The following TMEM260 variants were observed in gnomAD, a reference collection of about 807,000 sequenced individuals.
The protein encoded by TMEM260 is protein O-mannosyl-transferase TMEM260.
In TMEM260, 82 loss-of-function variants were observed where a neutral mutation model predicts 88.9. The observed-to-expected ratio is 0.92, with a 90% CI of 0.77 to 1.11. The LOEUF is 1.11. TMEM260 is among the 50% of genes least tolerant of loss of function. The pLI is 0.00. For synonymous variants in TMEM260, 314 were observed against 309.3 expected (o/e 1.02, Z -0.16); for missense variants, 902 against 853.4 (o/e 1.06, Z -0.71).
the TMEM260 span, among the ~76,000 whole-genome samples, chr14:56,659,713 G>C: frequency 6.6e-6 from 1 of 152,230 alleles, no homozygotes; most frequent in Non-Finnish European, 1.5e-5. Context: ...ACGGAGAAGA[G>C]GGAGTGGAGG....
chr14:56,612,281 C>G lies in TMEM260; in HGVS notation c.853C>G (p.Leu285Val), dbSNP rs752791202. 1.9e-6 allele frequency: 3 copies of G among 1,612,382 alleles called. No individual in the cohort carries two copies. The African/African-American group carries it at 4.0e-5, about 22-fold the overall frequency. Reference sequence around the variant, plus strand: ...AATAGGATCCAGTATGTCTGAAATACTGCTGTGAGTATGAAATATTTGAAA... The same window carrying G: ...AATAGGATCCAGTATGTCTGAAATAGTGCTGTGAGTATGAAATATTTGAAA... ...SEIGSSMSEILLSQVTNMRTE... is the reference protein window; with the variant it reads ...SEIGSSMSEIVLSQVTNMRTE... The change falls in exon 7 of 16, where the codon CTG becomes GTG. Residue 285 changes from leucine (L) to valine (V), a missense_variant. Coordinates refer to ENST00000261556, the MANE Select transcript of TMEM260 (RefSeq NM_017799.4).
At chr14:56,649,969 G>A, downstream of TMEM260, 1 of 360,350 alleles carries the variant, frequency 2.8e-6, no homozygotes, top group Non-Finnish European at 5.4e-6. Context: ...TAGGGATGTT[G>A]GGCTTCATTC....
intron 3 of TMEM260, among the ~76,000 whole-genome samples, chr14:56,589,711 G>A (rs1885733239): frequency 6.6e-6 from 1 of 152,104 alleles, no homozygotes; most frequent in African/African-American, 2.4e-5. Context: ...TTTTGTGCCA[G>A]TATTTAACTC....
intron 7 of TMEM260, chr14:56,613,518 T>G (rs1465495246): frequency 6.6e-6 from 1 of 152,192 alleles, no homozygotes; most frequent in Non-Finnish European, 1.5e-5. Flanking sequence ...TGACTATATT[T>G]TTCTAATATT....
Position 56,625,508 on chromosome 14 carries a change from C to A in TMEM260, c.1525C>A (p.His509Asn). Residue 509 changes from histidine (H) to asparagine (N), a missense_variant, in exon 12 of 16, where the codon CAT becomes AAT. Coordinates refer to ENST00000261556, the MANE Select transcript of TMEM260 (RefSeq NM_017799.4). ...PSGMVTFNLYHFLEVNKQKET... is the reference protein window; with the variant it reads ...PSGMVTFNLYNFLEVNKQKET... ...TGGAATGGTCACATTTAATCTTTAT[C>A]ATTTTCTTGAAGTAAATAAACAGTA... 1 of 1,599,810 alleles carries A rather than the reference C, an allele frequency of 6.3e-7. No homozygotes were observed. The highest frequency in any genetic ancestry group is 8.5e-7 in the Non-Finnish European group (1 of 1,169,996).
intron 15 of TMEM260, among the ~76,000 whole-genome samples, chr14:56,640,898 C>T (rs766691065): frequency 4.2e-4 from 64 of 152,040 alleles, no homozygotes; most frequent in African/African-American, 6.7e-4. Context: ...AGGGTATCAG[C>T]GATGGACAAT....
rs1255872363 is a variant in TMEM260, at chr14:56,618,641, T to C, written c.1104T>C (p.Ala368=). The C allele has an allele frequency of 1.2e-6, 2 of 1,614,116 alleles. No homozygotes were observed. The highest frequency in any genetic ancestry group is 4.5e-5 in the East Asian group (2 of 44,902). ...GCAATGCAGTAGTGGCCGTCCTCGC[T>C]GGCATTGGTTTGGCTGCAGTTGTGT... The part of the protein sequence containing the change: ...MQSNAVVAVL[A]GIGLAAVVSE... Residue 368 remains alanine (A), a synonymous_variant, in exon 10 of 16, where the codon GCT becomes GCC. Transcript: ENST00000261556.
At chr14:56,612,675 T>G (rs1414218233) in intron 7 of TMEM260, 1 of 161,976 alleles carries the variant, frequency 6.2e-6, no homozygotes, top group African/African-American at 2.4e-5. Flanking sequence ...CTGTATATGT[T>G]TGTACAGACA....
chr14:56,647,742 T>G lies in TMEM260; in HGVS notation c.*245T>G, dbSNP rs758353246. 4.3e-6 allele frequency: 2 copies of G among 466,348 alleles called. No individual in the cohort carries two copies. Among genetic ancestry groups the G allele is most frequent in the Non-Finnish European group, 7.5e-6 (2 of 265,044 alleles). 28.9% of individuals were successfully genotyped at this position (466,348 alleles called of 1,614,324 possible). A position where few individuals can be genotyped will look rare whatever the true frequency, so the allele number is the denominator to read the frequency against. Reference sequence around the variant, plus strand: ...TTCAGTGAGAAGCTTTTGAAAAGTCTTCTGACTTCCAGTCTTTCACCAGAT... The same window carrying G: ...TTCAGTGAGAAGCTTTTGAAAAGTCGTCTGACTTCCAGTCTTTCACCAGAT... On this transcript the variant is annotated 3_prime_UTR_variant, in exon 16 of 16. Transcript: ENST00000261556.
rs193040899 is a variant in TMEM260, at chr14:56,633,235, A to G, written c.1724+64A>G. On this transcript the variant is annotated intron_variant, in intron 13 of 15. Transcript: ENST00000261556. The stretch of plus-strand genomic sequence containing the variant: ...GCAGTTTTGAATACCCAAAAAAACT[A>G]CTACATTTTGAGATGCCTTCTAATT... The G allele has an allele frequency of 8.1e-4, 1,116 of 1,380,808 alleles. 3 individuals carry two copies. The highest frequency in any genetic ancestry group is 6.4e-3 in the Middle Eastern group (26 of 4,076). 85.5% of individuals were successfully genotyped at this position (1,380,808 alleles called of 1,614,324 possible).
intron 5 of TMEM260, 43 bp downstream of exon 5, chr14:56,605,726 T>A: frequency 8.5e-7 from 1 of 1,172,156 alleles, no homozygotes; most frequent in Non-Finnish European, 1.2e-6. Flanking sequence ...ATATTTTACT[T>A]AGGTCTAATA....
At chr14:56,617,833 A>T (rs990190416) in intron 9 of TMEM260, among the ~76,000 whole-genome samples, 3 of 152,316 alleles carry the variant, frequency 2.0e-5, no homozygotes, top group East Asian at 1.9e-4. Flanking sequence ...GAAGCCTAAT[A>T]AATAATACCC....
chr14:56,642,690 A>G (rs1183522052), intron 15 of TMEM260, among the ~76,000 whole-genome samples: 1 of 152,216 alleles, frequency 6.6e-6, no homozygotes, highest in Admixed American at 6.5e-5. Context: ...GAGACACAAA[A>G]AACCCTTCAA....
chr14:56,633,634 C>T (rs1888798007), intron 13 of TMEM260, among the ~76,000 whole-genome samples: 2 of 151,928 alleles, frequency 1.3e-5, no homozygotes, highest in Admixed American at 6.6e-5. Context: ...CTTTGAGTAG[C>T]TTTGTTTTCA....
chr14:56,637,503 A>C (rs977993528), intron 15 of TMEM260, among the ~76,000 whole-genome samples: 1 of 152,228 alleles, frequency 6.6e-6, no homozygotes, highest in African/African-American at 2.4e-5. Flanking sequence ...CACTACTGTA[A>C]CCAAGTCTCT....
At chr14:56,610,897 T>C (rs190776586) in intron 6 of TMEM260, among the ~76,000 whole-genome samples, 26 of 152,100 alleles carry the variant, frequency 1.7e-4, no homozygotes, top group Non-Finnish European at 3.4e-4. Flanking sequence ...TTTATTAACA[T>C]GTAAATCATT....
At chr14:56,598,248 C>A (rs1886366863) in intron 3 of TMEM260, among the ~76,000 whole-genome samples, 1 of 151,942 alleles carries the variant, frequency 6.6e-6, no homozygotes, top group Non-Finnish European at 1.5e-5. Context: ...AGAAAAAAAA[C>A]ACAGAAGGAA....
rs7492870 is a variant in TMEM260 at position 56,621,672 on chromosome 14, G to A, written c.1368G>A (p.Leu456=). 6.2e-7 allele frequency: 1 copy of A among 1,611,876 alleles called. No individual in the cohort carries two copies. The highest frequency in any genetic ancestry group is 1.3e-5 in the African/African-American group (1 of 74,982). Residue 456 remains leucine (L), a synonymous_variant, in exon 11 of 16, where the codon TTG becomes TTA. Transcript: ENST00000261556. The stretch of plus-strand genomic sequence containing the variant: ...GTTACATGCATTACTGTGAGGGGTT[G>A]AGGCCTGACATTTCATTAGTGGATC... The part of the protein sequence containing the change: ...SLRYMHYCEG[L]RPDISLVDQE...
chr14:56,586,359 T>C (rs1885503191), intron 3 of TMEM260, among the ~76,000 whole-genome samples: 1 of 152,180 alleles, frequency 6.6e-6, no homozygotes, highest in South Asian at 2.1e-4. Context: ...GAAATAAGGA[T>C]ATTAACTAAG....
Sources: gnomAD v4.1 joint callset for allele counts (sites outside exome capture counted in the v4.1 genomes callset) on GRCh38, gnomAD v4.1.1 for gene constraint, MANE v1.5 for transcripts, NCBI Gene and HGNC (gene_info 2026-07-23, HGNC 2026-07-21) for gene names.